PTPRT: variants seen among roughly 807,000 people sequenced by gnomAD.
PTPRT encodes the protein receptor-type tyrosine-protein phosphatase T.
In PTPRT, 56 loss-of-function variants were observed where a neutral mutation model predicts 176.8. That is an observed-to-expected ratio of 0.32 (90% CI 0.26 to 0.40). The LOEUF (loss-of-function observed/expected upper bound fraction) is 0.40, where lower values mean the gene tolerates loss of function less well. PTPRT is among the 10% of genes least tolerant of loss of function. PTPRT has a pLI of 1.00. For missense variants in PTPRT, 1,540 were observed against 1,908.2 expected, an observed-to-expected ratio of 0.81 and a Z score of 3.60; for synonymous variants, 783 against 739.0, an observed-to-expected ratio of 1.06 and a Z score of -0.96.
At chr20:42,988,493 G>C (rs6030588) in intron 1 of PTPRT, among the ~76,000 whole-genome samples, 16,245 of 152,026 alleles carry the variant, frequency 0.11, 1,075 homozygotes, top group African/African-American at 0.19. Context: ...TCTGACTTGG[G>C]TCTAGTCCAG....
chr20:42,217,434 C>T (rs1469389666), intron 15 of PTPRT, among the ~76,000 whole-genome samples: 1 of 141,238 alleles, frequency 7.1e-6, no homozygotes, highest in African/African-American at 2.8e-5. Flanking sequence ...CAGAACATTA[C>T]GTCCATCCCC....
chr20:43,081,580 T>A (rs914647296), intron 1 of PTPRT, among the ~76,000 whole-genome samples: 9 of 152,204 alleles, frequency 5.9e-5, no homozygotes, highest in African/African-American at 2.2e-4. Context: ...GTTATTCTAA[T>A]CATTATTATT....
At chr20:42,598,409 T>C (rs890742034) in intron 7 of PTPRT, among the ~76,000 whole-genome samples, 1 of 137,248 alleles carries the variant, frequency 7.3e-6, no homozygotes, top group African/African-American at 3.7e-5. Flanking sequence ...AAAGAGCTGT[T>C]TTTTAAATGC....
At chr20:42,274,509 T>G (rs1195089186) in intron 13 of PTPRT, among the ~76,000 whole-genome samples, 1 of 151,512 alleles carries the variant, frequency 6.6e-6, no homozygotes, top group Non-Finnish European at 1.5e-5. Context: ...ATTACCCTTC[T>G]CTCTTTACTG....
At chr20:42,141,279 T>C (rs1468869871) in intron 18 of PTPRT, among the ~76,000 whole-genome samples, 4 of 152,170 alleles carry the variant, frequency 2.6e-5, no homozygotes, top group African/African-American at 7.2e-5. Flanking sequence ...TCTCATACTA[T>C]AGGAGTAGCC....
intron 1 of PTPRT, among the ~76,000 whole-genome samples, chr20:42,895,864 G>A (rs1349119253): frequency 1.3e-5 from 2 of 152,054 alleles, no homozygotes; most frequent in African/African-American, 4.8e-5. Context: ...TCTCTTTAAC[G>A]ACATAAAAAT....
intron 1 of PTPRT, among the ~76,000 whole-genome samples, chr20:43,086,311 C>T (rs909039915): frequency 1.6e-4 from 24 of 152,090 alleles, no homozygotes; most frequent in African/African-American, 5.6e-4. Context: ...CTAAGAAGTC[C>T]CAACCAGAGT....
intron 7 of PTPRT, among the ~76,000 whole-genome samples, chr20:42,655,222 G>C (rs1183302650): frequency 6.6e-6 from 1 of 152,224 alleles, no homozygotes; most frequent in Non-Finnish European, 1.5e-5. Flanking sequence ...GGGTGCAGTG[G>C]CTCACGCCTG....
At chr20:43,086,803 G>T (rs183502140) in intron 1 of PTPRT, among the ~76,000 whole-genome samples, 2 of 152,178 alleles carry the variant, frequency 1.3e-5, no homozygotes, top group Non-Finnish European at 2.9e-5. Flanking sequence ...CCGGGGGCTG[G>T]GAGGGAAGAA....
intron 1 of PTPRT, among the ~76,000 whole-genome samples, chr20:42,981,156 T>C (rs1440520791): frequency 6.6e-6 from 1 of 152,228 alleles, no homozygotes; most frequent in Non-Finnish European, 1.5e-5. Flanking sequence ...AATAATATCT[T>C]CCTTGCCTGA....
At chr20:42,378,875 T>C (rs2058673347) in intron 9 of PTPRT, among the ~76,000 whole-genome samples, 1 of 152,202 alleles carries the variant, frequency 6.6e-6, no homozygotes, top group Non-Finnish European at 1.5e-5. Flanking sequence ...TTCTGACATG[T>C]AGTAAGCATT....
At chr20:43,054,990 TAATA>T (rs1327597863) in intron 1 of PTPRT, among the ~76,000 whole-genome samples, 5 of 152,166 alleles carry the variant, frequency 3.3e-5, no homozygotes, top group South Asian at 2.1e-4. Context: ...AAGCAAAAAA[TAATA>T]AATAGTGACA....
At chr20:42,502,449 T>C (rs745902877) in intron 7 of PTPRT, among the ~76,000 whole-genome samples, 27 of 142,014 alleles carry the variant, frequency 1.9e-4, no homozygotes, top group Non-Finnish European at 2.2e-4. Flanking sequence ...CACACACACA[T>C]CTCAAATGAG....
chr20:42,678,036 C>A lies in PTPRT; in HGVS notation c.983G>T (p.Arg328Leu), dbSNP rs754008236. The change falls in exon 7 of 31, where the codon CGC (arginine) becomes CTC (leucine). Residue 328 changes from arginine to leucine, a missense_variant. Around this residue, in one of 11 missense-constraint regions of PTPRT, gnomAD observed 273 missense variants for 432.1 expected, o/e 0.63. Transcript: ENST00000373187. Reference protein sequence around the residue: ...GPIILKEVEYRTTTGTWAETH... With the variant: ...GPIILKEVEYLTTTGTWAETH... ...CTCTGCCCACGTGCCTGTGGTGGTGCGATATTCCACTTCCTTCAGGATGAT... is the reference window on the plus strand; with the variant it reads ...CTCTGCCCACGTGCCTGTGGTGGTGAGATATTCCACTTCCTTCAGGATGAT... The A allele has an allele frequency of 1.2e-6, 2 of 1,614,120 alleles. No individual in the cohort carries two copies. The highest frequency in any genetic ancestry group is 1.7e-6 in the Non-Finnish European group (2 of 1,180,036).
At chr20:42,814,564 G>A (rs1600778106) in intron 2 of PTPRT, among the ~76,000 whole-genome samples, 3 of 152,236 alleles carry the variant, frequency 2.0e-5, no homozygotes, top group Admixed American at 2.0e-4. Flanking sequence ...TAATTTATAG[G>A]ATTATAAAAT....
intron 4 of PTPRT, among the ~76,000 whole-genome samples, chr20:42,778,505 G>A (rs1453417171): frequency 6.6e-6 from 1 of 152,174 alleles, no homozygotes; most frequent in Admixed American, 6.5e-5. Flanking sequence ...CAGGAACACA[G>A]GTAGATGTGG....
At chr20:42,299,189 C>G (rs1019932498) in intron 12 of PTPRT, among the ~76,000 whole-genome samples, 12 of 152,154 alleles carry the variant, frequency 7.9e-5, no homozygotes, top group Admixed American at 5.2e-4. Context: ...GTTTGTACAG[C>G]TAGGCTTTTA....
chr20:42,926,779 G>T lies in PTPRT; in HGVS notation c.89-40847C>A, dbSNP rs1268291119. On this transcript the variant is annotated intron_variant, in intron 1 of 30. Transcript: ENST00000373187. ...TATTTGCCTGCATGATTGTTGTGGG[G>T]ATGCAATTAAATAATACACGTCAAG... Among the ~76,000 whole-genome samples the T allele has an allele frequency of 3.3e-5, 5 of 152,262 alleles. No homozygotes were observed. The East Asian group carries it at 7.7e-4, about 24-fold the overall frequency.
At chr20:42,649,895 C>T (rs780845930) in intron 7 of PTPRT, among the ~76,000 whole-genome samples, 28 of 152,204 alleles carry the variant, frequency 1.8e-4, no homozygotes, top group Admixed American at 3.3e-4. Flanking sequence ...GCTTACTTGC[C>T]TCAGGTCTAT....
Sources: allele counts gnomAD v4.1 joint callset (sites outside exome capture counted in the v4.1 genomes callset), GRCh38; gene constraint gnomAD v4.1.1; regional missense constraint gnomAD v4.1.1; transcripts MANE v1.5; gene names NCBI Gene and HGNC (gene_info 2026-07-23, HGNC 2026-07-21).